RGS5: variants seen among roughly 807,000 people sequenced by gnomAD.
RGS5 encodes regulator of G protein signaling 5.
A neutral mutation model predicts 18.9 loss-of-function variants in RGS5; 20 were observed. The ratio of observed to expected loss-of-function variants is 1.06; its 90% CI spans 0.74 to 1.54. RGS5 has a LOEUF of 1.54. RGS5 is among the 40% of genes most tolerant of loss of function. RGS5 has a pLI of 0.00. For synonymous variants in RGS5, 57 were observed against 76.2 expected (o/e 0.75, Z 1.31); for missense variants, 201 against 211.8 (o/e 0.95, Z 0.32).
chr1:163,309,187 C>T (rs1381580167), intron 1 of RGS5, among the ~76,000 whole-genome samples: 2 of 151,958 alleles, frequency 1.3e-5, no homozygotes, highest in Non-Finnish European at 2.9e-5. Context: ...TGCACTCCCA[C>T]TTGGGTGACA....
intron 1 of RGS5, among the ~76,000 whole-genome samples, chr1:163,209,772 G>T (rs1234025081): frequency 6.6e-6 from 1 of 152,082 alleles, no homozygotes; most frequent in African/African-American, 2.4e-5. Flanking sequence ...GAGGCTTGCT[G>T]TCATAGCTTC....
At chr1:163,234,793 A>T (rs1647577864) in intron 2 of RGS5, among the ~76,000 whole-genome samples, 1 of 152,192 alleles carries the variant, frequency 6.6e-6, no homozygotes, top group African/African-American at 2.4e-5. Context: ...TCTGAGCTGC[A>T]TTCACCTGGA....
At chr1:163,194,898 A>C (rs1458909338) in intron 1 of RGS5, among the ~76,000 whole-genome samples, 1 of 152,150 alleles carries the variant, frequency 6.6e-6, no homozygotes, top group African/African-American at 2.4e-5. Flanking sequence ...TATGTTTTGT[A>C]AGAAGAAATA....
chr1:163,286,231 T>C (rs558699437), intron 2 of RGS5, among the ~76,000 whole-genome samples: 1 of 152,148 alleles, frequency 6.6e-6, no homozygotes, highest in East Asian at 1.9e-4. Context: ...AATCTAGAGG[T>C]GATTTAAAAT....
intron 1 of RGS5, among the ~76,000 whole-genome samples, chr1:163,187,564 G>T (rs375275940): frequency 6.6e-6 from 1 of 152,018 alleles, no homozygotes; most frequent in Non-Finnish European, 1.5e-5. Flanking sequence ...CGCCTCATAC[G>T]CTGGCAGAAG....
At chr1:163,318,047 C>T (rs183539648) in intron 1 of RGS5, among the ~76,000 whole-genome samples, 2 of 152,184 alleles carry the variant, frequency 1.3e-5, no homozygotes, top group African/African-American at 4.8e-5. Flanking sequence ...CTAACTCAGA[C>T]TATGGAACAA....
chr1:163,295,966 GGAGT>G (rs1206028595), intron 2 of RGS5, among the ~76,000 whole-genome samples: 5 of 152,000 alleles, frequency 3.3e-5, no homozygotes, highest in African/African-American at 7.3e-5. Context: ...TACAGACAAA[GGAGT>G]GAGAGGAAAA....
chr1:163,290,514 C>G (rs1557932612), intron 2 of RGS5, among the ~76,000 whole-genome samples: 1 of 152,114 alleles, frequency 6.6e-6, no homozygotes, highest in African/African-American at 2.4e-5. Context: ...TTAGAGTAAT[C>G]TAATTATGCC....
intron 1 of RGS5, among the ~76,000 whole-genome samples, chr1:163,317,330 A>G (rs1222157964): frequency 6.6e-6 from 1 of 152,204 alleles, no homozygotes; most frequent in Non-Finnish European, 1.5e-5. Context: ...CAAATAGGGT[A>G]GTCCCTGTCT....
At chr1:163,205,785 A>G (rs1436857150), upstream of RGS5, among the ~76,000 whole-genome samples, 1 of 152,204 alleles carries the variant, frequency 6.6e-6, no homozygotes, top group Non-Finnish European at 1.5e-5. Context: ...CTGCCCACAC[A>G]ACTGCTCTGA....
chr1:163,165,503 G>T (rs1658000067), intron 2 of RGS5, among the ~76,000 whole-genome samples: 1 of 152,232 alleles, frequency 6.6e-6, no homozygotes, highest in African/African-American at 2.4e-5. Context: ...CTACAGCAGA[G>T]CCTTAAGGAA....
intron 2 of RGS5, among the ~76,000 whole-genome samples, chr1:163,257,485 C>T: frequency 6.6e-6 from 1 of 152,164 alleles, no homozygotes; most frequent in Non-Finnish European, 1.5e-5. Flanking sequence ...GACTCCCAGC[C>T]TGCCATCAAA....
intron 1 of RGS5, among the ~76,000 whole-genome samples, chr1:163,180,773 C>A (rs1375033664): frequency 7.1e-6 from 1 of 140,776 alleles, no homozygotes; most frequent in Non-Finnish European, 1.5e-5. Flanking sequence ...CGTCTCACTG[C>A]AAGCTGCGCC....
At position 163,144,223 on chromosome 1, in the gene RGS5, G is replaced by T. The variant is rs1362717206; in HGVS notation, c.*3119C>A. ...TGAAAGAAACAAAAAGTGTGTGTGT[G>T]TATGTGTGGCGGGGAAGATGGAAGA... is the stretch of plus-strand genomic sequence containing the variant. On this transcript the variant is annotated 3_prime_UTR_variant, in exon 5 of 5. Transcript: ENST00000313961. 2 of 152,152 alleles carry T rather than the reference G, an allele frequency of 1.3e-5. No individual in the cohort carries two copies. The highest frequency in any genetic ancestry group is 2.9e-5 in the Non-Finnish European group (2 of 68,016). 9.4% of individuals were successfully genotyped at this position (152,152 alleles called of 1,614,324 possible). A position where few individuals can be genotyped will look rare whatever the true frequency, so the allele number is the denominator to read the frequency against.
intron 1 of RGS5, among the ~76,000 whole-genome samples, chr1:163,316,929 G>T (rs1229235884): frequency 1.3e-5 from 2 of 152,168 alleles, no homozygotes; most frequent in Non-Finnish European, 2.9e-5. Flanking sequence ...TACCAGGCAT[G>T]GTGTTAGGTG....
At chr1:163,223,222 T>C (rs971536371) in intron 2 of RGS5, among the ~76,000 whole-genome samples, 2 of 152,172 alleles carry the variant, frequency 1.3e-5, no homozygotes, top group Admixed American at 1.3e-4. Context: ...ACTGTGTCCC[T>C]GTTGCCCATT....
At chr1:163,294,152 C>A (rs547840991) in intron 2 of RGS5, among the ~76,000 whole-genome samples, 1 of 152,176 alleles carries the variant, frequency 6.6e-6, no homozygotes, top group African/African-American at 2.4e-5. Flanking sequence ...CTAGGCAGTG[C>A]CCCAGTGGGG....
chr1:163,219,415 T>C (rs572256290), upstream of RGS5, among the ~76,000 whole-genome samples: 1 of 152,310 alleles, frequency 6.6e-6, no homozygotes, highest in Non-Finnish European at 1.5e-5. Context: ...TTGCATCTTG[T>C]AGTTCTTTCA....
chr1:163,243,251 C>G (rs7526093), intron 2 of RGS5, among the ~76,000 whole-genome samples: 35 of 152,114 alleles, frequency 2.3e-4, no homozygotes, highest in African/African-American at 8.4e-4. Context: ...TGAGAACACA[C>G]GGACACAGGG....
Sources: gnomAD v4.1 joint callset for allele counts (sites outside exome capture counted in the v4.1 genomes callset) on GRCh38, gnomAD v4.1.1 for gene constraint, MANE v1.5 for transcripts, NCBI Gene and HGNC (gene_info 2026-07-23, HGNC 2026-07-21) for gene names.